The following MEOX2 variants were observed in gnomAD, a reference collection of about 807,000 sequenced individuals.
The protein encoded by MEOX2 is homeobox protein MOX-2.
MEOX2 carries 11 observed loss-of-function variants against 27.0 expected under a neutral mutation model. The observed-to-expected ratio is 0.41, with a 90% confidence interval of 0.26 to 0.68. The LOEUF (loss-of-function observed/expected upper bound fraction) is 0.68. MEOX2 is among the 30% of genes least tolerant of loss of function. The pLI is 0.33. For missense variants in MEOX2, 436 were observed against 385.4 expected, an observed-to-expected ratio of 1.13 and a Z score of -1.10; for synonymous variants, 189 against 155.4, an observed-to-expected ratio of 1.22 and a Z score of -1.61.
intron 2 of MEOX2, among the ~76,000 whole-genome samples, chr7:15,622,546 A>G (rs951963591): frequency 6.6e-6 from 1 of 152,116 alleles, no homozygotes; most frequent in Non-Finnish European, 1.5e-5. Flanking sequence ...ACTGAATCTC[A>G]GGTTATTTTA....
chr7:15,657,974 G>A (rs1030079310), intron 1 of MEOX2, among the ~76,000 whole-genome samples: 2 of 152,200 alleles, frequency 1.3e-5, no homozygotes, highest in Non-Finnish European at 2.9e-5. Context: ...AAGTGGAGAA[G>A]GTTCCTGATT....
intron 1 of MEOX2, among the ~76,000 whole-genome samples, chr7:15,682,178 A>T (rs564177388): frequency 1.3e-5 from 2 of 151,928 alleles, no homozygotes; most frequent in South Asian, 4.1e-4. Flanking sequence ...CTTCACTTTA[A>T]TCTTCAAGAT....
intron 1 of MEOX2, among the ~76,000 whole-genome samples, chr7:15,658,473 G>A (rs1028102162): frequency 7.9e-5 from 12 of 152,168 alleles, no homozygotes; most frequent in Admixed American, 1.3e-4. Context: ...GACATTTTTT[G>A]TGTGTATATA....
At chr7:15,667,577 G>T (rs1006360988) in intron 1 of MEOX2, among the ~76,000 whole-genome samples, 5 of 152,048 alleles carry the variant, frequency 3.3e-5, no homozygotes, top group Admixed American at 6.6e-5. Context: ...TATTAATTAT[G>T]ATGCTGCTGA....
At chr7:15,630,254 A>G (rs770926918) in intron 1 of MEOX2, among the ~76,000 whole-genome samples, 1 of 152,060 alleles carries the variant, frequency 6.6e-6, no homozygotes, top group Non-Finnish European at 1.5e-5. Flanking sequence ...AGTCTGCAAT[A>G]CTTCCGTGGA....
intron 1 of MEOX2, among the ~76,000 whole-genome samples, chr7:15,678,035 T>G (rs1236140841): frequency 5.9e-5 from 9 of 152,270 alleles, no homozygotes; most frequent in Admixed American, 3.3e-4. Context: ...TTCACAAGAC[T>G]GTAATCTTAG....
chr7:15,630,888 G>C (rs1781390404), intron 1 of MEOX2, among the ~76,000 whole-genome samples: 1 of 151,896 alleles, frequency 6.6e-6, no homozygotes, highest in Non-Finnish European at 1.5e-5. Context: ...GAGCATTTCA[G>C]CTTCTCAGTG....
chr7:15,615,588 T>C (rs1044215999), intron 2 of MEOX2, among the ~76,000 whole-genome samples: 3 of 152,100 alleles, frequency 2.0e-5, no homozygotes, highest in Non-Finnish European at 4.4e-5. Context: ...TTTGCAAGCT[T>C]GACATTGTAT....
rs1781048301 is a variant in MEOX2 at position 15,612,466 on chromosome 7, G to A, written c.836C>T (p.Thr279Ile). The A allele has an allele frequency of 1.2e-6, 2 of 1,614,132 alleles. No homozygotes were observed. Among genetic ancestry groups the A allele is most frequent in the Non-Finnish European group, 1.7e-6 (2 of 1,180,024 alleles). The change falls in exon 3 of 3, where the codon ACC becomes ATC. Residue 279 changes from threonine (T) to isoleucine (I), a missense_variant. Thr to Ile is a moderately conservative substitution (Grantham distance 89). Coordinates refer to ENST00000262041, the MANE Select transcript of MEOX2 (RefSeq NM_005924.5). Reference protein sequence around the residue: ...PSELSGIGAATLQQTGDSIAN... With the variant: ...PSELSGIGAAILQQTGDSIAN... ...TATAGAGTCCCCTGTTTGCTGGAGG[G>A]TGGCTGCACCAATTCCCGACAGCTC...
intron 2 of MEOX2, among the ~76,000 whole-genome samples, chr7:15,616,098 T>C (rs1781119323): frequency 2.0e-5 from 3 of 151,764 alleles, no homozygotes; most frequent in African/African-American, 7.2e-5. Context: ...AATAGTTAAT[T>C]GCCAACAGTA....
At chr7:15,652,864 T>A (rs1363882579) in intron 1 of MEOX2, among the ~76,000 whole-genome samples, 4 of 152,054 alleles carry the variant, frequency 2.6e-5, no homozygotes, top group Admixed American at 2.6e-4. Context: ...CCACTGTTTG[T>A]TTAACCATTT....
At chr7:15,616,954 C>G (rs1263497062) in intron 2 of MEOX2, among the ~76,000 whole-genome samples, 1 of 151,976 alleles carries the variant, frequency 6.6e-6, no homozygotes, top group Admixed American at 6.6e-5. Flanking sequence ...TCACATTACA[C>G]CCTTTACCAT....
intron 1 of MEOX2, among the ~76,000 whole-genome samples, chr7:15,655,285 C>A (rs1268238026): frequency 6.6e-6 from 1 of 151,536 alleles, no homozygotes; most frequent in Non-Finnish European, 1.5e-5. Context: ...CATTATCTGT[C>A]TTCCTAGAAG....
chr7:15,632,697 C>T (rs557491770), intron 1 of MEOX2, among the ~76,000 whole-genome samples: 2 of 151,426 alleles, frequency 1.3e-5, no homozygotes, highest in African/African-American at 4.9e-5. Context: ...TTCTAACTAC[C>T]AACTTCAAAG....
Position 15,662,376 on chromosome 7 carries a change from T to C in MEOX2, c.517+23510A>G, listed in dbSNP as rs1229325203. On this transcript the variant is annotated intron_variant, in intron 1 of 2. Transcript: ENST00000262041. ...ATTAAGTAGATAGGGAAGGAAAGAT[T>C]GAGACAATTCTACTTATAGTTAATT... 1.3e-5 allele frequency among the ~76,000 whole-genome samples: 2 copies of C among 152,020 alleles called. 1 individual carries two copies. The highest frequency in any genetic ancestry group is 3.9e-4 in the East Asian group (2 of 5,170).
intron 2 of MEOX2, among the ~76,000 whole-genome samples, chr7:15,625,121 C>T (rs1781280406): frequency 6.6e-6 from 1 of 152,146 alleles, no homozygotes; most frequent in South Asian, 2.1e-4. Context: ...GAAGCAAATC[C>T]TAGTTTCCTA....
intron 1 of MEOX2, among the ~76,000 whole-genome samples, chr7:15,663,491 C>T (rs943024041): frequency 8.0e-6 from 1 of 124,234 alleles, no homozygotes; most frequent in South Asian, 2.6e-4. Flanking sequence ...TGCCACCACA[C>T]CCGGCTAATT....
intron 2 of MEOX2, among the ~76,000 whole-genome samples, chr7:15,614,773 A>T (rs1781096648): frequency 6.6e-6 from 1 of 152,140 alleles, no homozygotes; most frequent in South Asian, 2.1e-4. Context: ...TATTTTGAAT[A>T]TTCTCTATTT....
intron 1 of MEOX2, among the ~76,000 whole-genome samples, chr7:15,684,770 C>A (rs763016970): frequency 6.6e-6 from 1 of 152,180 alleles, no homozygotes; most frequent in Non-Finnish European, 1.5e-5. Flanking sequence ...ACAAATGACA[C>A]CTTCCAAAAG....
Sources: gnomAD v4.1 joint callset for allele counts (sites outside exome capture counted in the v4.1 genomes callset) on GRCh38, gnomAD v4.1.1 for gene constraint, MANE v1.5 for transcripts, NCBI Gene and HGNC (gene_info 2026-07-23, HGNC 2026-07-21) for gene names.